Variants in DARS1 observed in about 807,000 individuals in gnomAD.
DARS1 encodes aspartate--tRNA ligase, cytoplasmic.
DARS1 carries 51 observed loss-of-function variants against 68.8 expected under a neutral mutation model. The ratio of observed to expected loss-of-function variants is 0.74; its 90% CI spans 0.59 to 0.94. The LOEUF (loss-of-function observed/expected upper bound fraction) is 0.94. DARS1 is among the 40% of genes least tolerant of loss of function. The probability of loss-of-function intolerance (pLI) is 0.00; values close to 1 mark genes in which losing one functional copy is unlikely to be tolerated. For missense variants in DARS1, 607 were observed against 597.3 expected, an observed-to-expected ratio of 1.02 and a Z score of -0.17; for synonymous variants, 203 against 190.4, an observed-to-expected ratio of 1.07 and a Z score of -0.55.
At chr2:135,930,839 T>G (rs941639624) in intron 7 of DARS1, among the ~76,000 whole-genome samples, 1 of 152,172 alleles carries the variant, frequency 6.6e-6, no homozygotes, top group African/African-American at 2.4e-5. Flanking sequence ...CTCTCCTGAA[T>G]AGATTCTGAG....
chr2:135,923,668 T>G (rs1449688038), intron 8 of DARS1, among the ~76,000 whole-genome samples: 3 of 152,168 alleles, frequency 2.0e-5, no homozygotes, highest in Admixed American at 2.0e-4. Flanking sequence ...TAACACACTT[T>G]CTAGTGTTAA....
intron 4 of DARS1, among the ~76,000 whole-genome samples, chr2:135,947,409 GAAA>G (rs201907095): frequency 1.5e-5 from 1 of 67,706 alleles, no homozygotes; most frequent in Admixed American, 1.6e-4. Context: ...CTCCATCTCA[GAAA>G]AAAAAAAAAA....
intron 7 of DARS1, among the ~76,000 whole-genome samples, chr2:135,926,611 C>G (rs1296645279): frequency 6.6e-6 from 1 of 152,134 alleles, no homozygotes; most frequent in Non-Finnish European, 1.5e-5. Context: ...AAAGGAATTA[C>G]TAAATATAAG....
At position 135,920,455 on chromosome 2, in the gene DARS1, T is replaced by A. The variant is rs763327704; in HGVS notation, c.957A>T (p.Glu319Asp). 2 of 1,611,962 alleles carry A rather than the reference T, an allele frequency of 1.2e-6. No homozygotes were observed. Among genetic ancestry groups the A allele is most frequent in the South Asian group, 1.1e-5 (1 of 90,510 alleles). Residue 319 changes from glutamate to aspartate, a missense_variant and splice_region_variant, in exon 10 of 16, where the codon GAA becomes GAT. Coordinates refer to ENST00000264161, the MANE Select transcript of DARS1 (RefSeq NM_001349.4). Reference sequence around the variant, plus strand: ...TAGGTGCATAAAATACTTTTTACCTTTCTTGAAGTCCTTTGAATATTTGTA... The same window carrying A: ...TAGGTGCATAAAATACTTTTTACCTATCTTGAAGTCCTTTGAATATTTGTA... ...TMVQIFKGLQ[E>D]RFQTEIQTVN...
rs1248354541 is a variant in DARS1 at position 135,907,325 on chromosome 2, G to A, written c.1497C>T (p.Leu499=). The part of the protein sequence containing the change: ...TSMFPRDPKR[L]TP The stretch of plus-strand genomic sequence containing the variant: ...GTGGCAAAGTGTGAATTTAAGGAGT[G>A]AGTCGTTTGGGATCACGAGGGAACA... The change falls in exon 16 of 16, where the codon CTC becomes CTT. Residue 499 remains leucine (L), a synonymous_variant. Transcript: ENST00000264161. 10 of 1,577,902 alleles carry A rather than the reference G, an allele frequency of 6.3e-6. No homozygotes were observed. The highest frequency in any genetic ancestry group is 5.6e-5 in the African/African-American group (4 of 71,938).
intron 9 of DARS1, among the ~76,000 whole-genome samples, chr2:135,921,145 T>G (rs745378622): frequency 1.1e-4 from 16 of 149,664 alleles, no homozygotes; most frequent in Non-Finnish European, 3.0e-5. Context: ...ATATCCTCAG[T>G]GCCTTTTCCT....
chr2:135,911,279 A>AC, intron 14 of DARS1, 69 bp from the exon 15 acceptor site: 1 of 893,554 alleles, frequency 1.1e-6, no homozygotes, highest in South Asian at 1.3e-5. Flanking sequence ...AAAAGCAATT[A>AC]CTGTTCAATG....
intron 11 of DARS1, among the ~76,000 whole-genome samples, chr2:135,915,288 GTTTA>G (rs773500650): frequency 2.6e-5 from 4 of 152,072 alleles, no homozygotes; most frequent in African/African-American, 7.2e-5. Flanking sequence ...TACATGTTTT[GTTTA>G]TTTATTTTTT....
At chr2:135,919,561 A>G (rs1223570852) in intron 10 of DARS1, among the ~76,000 whole-genome samples, 1 of 152,190 alleles carries the variant, frequency 6.6e-6, no homozygotes, top group Non-Finnish European at 1.5e-5. Flanking sequence ...CAAATACAGA[A>G]AGAGGGAAAA....
chr2:135,938,376 G>A (rs924747553), intron 5 of DARS1, among the ~76,000 whole-genome samples: 2 of 152,068 alleles, frequency 1.3e-5, no homozygotes, highest in African/African-American at 4.8e-5. Flanking sequence ...GTTTATTCTA[G>A]TTAGCCATTC....
intron 15 of DARS1, 65 bp downstream of exon 15, chr2:135,911,074 G>A: frequency 1.4e-6 from 1 of 726,384 alleles, no homozygotes; most frequent in Non-Finnish European, 2.4e-6. Flanking sequence ...AAAAATTCTT[G>A]TAATTCAAAT....
At chr2:135,965,508 CA>C (rs1485999595) in intron 3 of DARS1, among the ~76,000 whole-genome samples, 3 of 152,052 alleles carry the variant, frequency 2.0e-5, no homozygotes, top group African/African-American at 7.2e-5. Flanking sequence ...TTGAAGCAAA[CA>C]ACGACAGATT....
chr2:135,978,736 C>T (rs554202495), intron 3 of DARS1, among the ~76,000 whole-genome samples: 1 of 152,248 alleles, frequency 6.6e-6, no homozygotes, highest in East Asian at 1.9e-4. Context: ...AAAATGGGAG[C>T]CGTTAGCCAC....
At chr2:135,982,429 C>T (rs1682656114) in intron 2 of DARS1, among the ~76,000 whole-genome samples, 1 of 151,702 alleles carries the variant, frequency 6.6e-6, no homozygotes, top group South Asian at 2.1e-4. Flanking sequence ...AACCCCATCT[C>T]TACTAAAATA....
At position 135,985,535 on chromosome 2, in the gene DARS1, G is replaced by T. The variant is rs1233597170; in HGVS notation, c.-67C>A. The T allele has an allele frequency of 2.5e-6, 4 of 1,611,398 alleles. No homozygotes were observed. The highest frequency in any genetic ancestry group is 2.5e-6 in the Non-Finnish European group (3 of 1,179,016). ...GGCTTCCGTAAGGCAGGCCAAAGGGGCTTCTCCCTCCCTCCCAGTCTCCGC... is the reference window on the plus strand; with the variant it reads ...GGCTTCCGTAAGGCAGGCCAAAGGGTCTTCTCCCTCCCTCCCAGTCTCCGC... On this transcript the variant is annotated 5_prime_UTR_variant, in exon 1 of 16. Transcript: ENST00000264161.
At chr2:135,950,281 C>A (rs1681813483) in intron 4 of DARS1, among the ~76,000 whole-genome samples, 1 of 152,156 alleles carries the variant, frequency 6.6e-6, no homozygotes, top group Non-Finnish European at 1.5e-5. Flanking sequence ...TAGCTCCAAG[C>A]ATTTTATATA....
chr2:135,976,771 T>C (rs1682508333), intron 3 of DARS1, among the ~76,000 whole-genome samples: 1 of 134,834 alleles, frequency 7.4e-6, no homozygotes, highest in Admixed American at 7.7e-5. Flanking sequence ...CAGCCAGTAA[T>C]GCAAATATTC....
intron 5 of DARS1, among the ~76,000 whole-genome samples, chr2:135,936,858 A>G (rs374928592): frequency 6.6e-6 from 1 of 152,324 alleles, no homozygotes; most frequent in East Asian, 1.9e-4. Context: ...CAGTAAGTAC[A>G]TATAGGCCTA....
intron 7 of DARS1, among the ~76,000 whole-genome samples, chr2:135,930,278 G>A (rs1426496110): frequency 2.6e-5 from 4 of 152,138 alleles, no homozygotes; most frequent in Admixed American, 6.5e-5. Context: ...ACATAGTAGG[G>A]GCTATTTGAT....
Sources: allele counts gnomAD v4.1 joint callset (sites outside exome capture counted in the v4.1 genomes callset), GRCh38; gene constraint gnomAD v4.1.1; transcripts MANE v1.5; gene names NCBI Gene and HGNC (gene_info 2026-07-23, HGNC 2026-07-21).